The following STK11 variants were observed in gnomAD, a reference collection of about 807,000 sequenced individuals.
The protein encoded by STK11 is serine/threonine kinase 11.
STK11 carries 8 observed loss-of-function variants against 47.3 expected under a neutral mutation model. That is an observed-to-expected ratio of 0.17 (90% CI 0.10 to 0.31). The LOEUF (loss-of-function observed/expected upper bound fraction) is 0.31, where lower values mean the gene tolerates loss of function less well. Ranked by LOEUF, STK11 falls within the 10% of genes least tolerant of loss-of-function variation. STK11 has a pLI of 1.00. For synonymous variants in STK11, 330 were observed against 255.8 expected, an observed-to-expected ratio of 1.29 and a Z score of -2.77; for missense variants, 475 against 605.0, an observed-to-expected ratio of 0.79 and a Z score of 2.25.
chr19:1,207,350 AG>A, intron 1 of STK11, 147 bp downstream of exon 1: 1 of 1,176,048 alleles, frequency 8.5e-7, no homozygotes, highest in Non-Finnish European at 1.2e-6. Context: ...CCTCCGTGCC[AG>A]GGAGAGCGTG....
At position 1,228,075 on chromosome 19, in the gene STK11, AAAAAT is replaced by A. The variant is rs1032897789; in HGVS notation, c.*504_*508del. ...TCTTTTTTTCTTTTTTTTTTTAAGA[AAAAAT>A]AAAAGGTGGATTTGAGCTGTGGCTG... On this transcript the variant is annotated 3_prime_UTR_variant, in exon 10 of 10. Transcript: ENST00000326873. 7.5e-6 allele frequency: 8 copies of A among 1,064,668 alleles called. No homozygotes were observed. Among genetic ancestry groups the A allele is most frequent in the South Asian group, 4.5e-5 (1 of 21,982 alleles). 66.0% of individuals were successfully genotyped at this position (1,064,668 alleles called of 1,614,324 possible). A position where few individuals can be genotyped will look rare whatever the true frequency, so the allele number is the denominator to read the frequency against.
Position 1,206,797 on chromosome 19 carries a change from C to CTTT in STK11, c.-109_-107dup. 2 of 1,183,194 alleles carry CTTT rather than the reference C, an allele frequency of 1.7e-6. No individual in the cohort carries two copies. The highest frequency in any genetic ancestry group is 1.1e-6 in the Non-Finnish European group (1 of 885,336). 73.3% of individuals were successfully genotyped at this position (1,183,194 alleles called of 1,614,324 possible). ...CCCTTCCTTTTGGGGTTTTTGTTGC[C>CTTT]TTTTTTTTTTCTTTTTTCTTTGTAA... On this transcript the variant is annotated 5_prime_UTR_variant, in exon 1 of 10. Coordinates refer to ENST00000326873, the MANE Select transcript of STK11 (RefSeq NM_000455.5).
intron 1 of STK11, among the ~76,000 whole-genome samples, chr19:1,215,136 G>C (rs992678533): frequency 6.6e-6 from 1 of 152,216 alleles, no homozygotes; most frequent in African/African-American, 2.4e-5. Context: ...TGAGCAGCCT[G>C]GCAGGCAGGA....
At chr19:1,215,203 A>AGCGTCCCCCTC (rs2080737448) in intron 1 of STK11, among the ~76,000 whole-genome samples, 1 of 152,042 alleles carries the variant, frequency 6.6e-6, no homozygotes, top group Non-Finnish European at 1.5e-5. Flanking sequence ...CGTCCCCCTC[A>AGCGTCCCCCTC]ATGCCCTGGG....
At chr19:1,213,251 C>T (rs944073586) in intron 1 of STK11, among the ~76,000 whole-genome samples, 2 of 152,078 alleles carry the variant, frequency 1.3e-5, no homozygotes, top group Admixed American at 6.6e-5. Flanking sequence ...CCTGCCTCGG[C>T]CTCCCAAAGT....
chr19:1,219,833 C>G (rs934316338), intron 3 of STK11, among the ~76,000 whole-genome samples: 1 of 152,242 alleles, frequency 6.6e-6, no homozygotes, highest in African/African-American at 2.4e-5. Context: ...GCATGAGCTA[C>G]CACGCCCGGC....
intron 8 of STK11, chr19:1,225,964 G>C: frequency 2.0e-6 from 2 of 991,672 alleles, no homozygotes; most frequent in Non-Finnish European, 2.4e-6. Context: ...GCCCTGGCAG[G>C]CTGAGCTCTG....
intron 1 of STK11, among the ~76,000 whole-genome samples, chr19:1,213,891 C>G (rs191450435): frequency 1.5e-4 from 23 of 152,346 alleles, no homozygotes; most frequent in Non-Finnish European, 3.2e-4. Flanking sequence ...GGGGCGAGGG[C>G]CAGGCCCATC....
chr19:1,210,690 C>T (rs1193650875), intron 1 of STK11, among the ~76,000 whole-genome samples: 1 of 150,476 alleles, frequency 6.6e-6, no homozygotes, highest in African/African-American at 2.5e-5. Context: ...TGGTGAAACC[C>T]TGTCTCTACT....
chr19:1,206,587 C>T lies in STK11; in HGVS notation c.-327C>T. The T allele has an allele frequency of 4.6e-6, 2 of 430,354 alleles. No homozygotes were observed. The highest frequency in any genetic ancestry group is 3.4e-5 in the South Asian group (1 of 29,824). The allele number at this position is 430,354 out of a possible 1,614,324, so 26.7% of individuals were successfully genotyped here. A position where few individuals can be genotyped will look rare whatever the true frequency, so the allele number is the denominator to read the frequency against. On this transcript the variant is annotated 5_prime_UTR_variant, in exon 1 of 10. Transcript: ENST00000326873. ...CCCCGGCCGGCCTCCCCAGGGTCCC[C>T]GAGGACGAAGTTGACCCTGACCGGG...
At chr19:1,220,857 A>G (rs540647050) in intron 5 of STK11, 140 bp downstream of exon 5, 6 of 1,321,938 alleles carry the variant, frequency 4.5e-6, no homozygotes, top group African/African-American at 4.4e-5. Flanking sequence ...GGGGGTGCTT[A>G]CTTTATGGAA....
intron 1 of STK11, among the ~76,000 whole-genome samples, chr19:1,214,600 C>A (rs928635619): frequency 2.0e-4 from 30 of 152,312 alleles, no homozygotes; most frequent in Admixed American, 1.7e-3. Flanking sequence ...GTCCTCCACC[C>A]TCATTTGCTT....
In STK11 at chr19:1,215,243, G is replaced by A. The variant is rs142361331; in HGVS notation, c.291-3174G>A. ...TGCCAGGCTGTGGACACAGGCCCTGGCCAGTTCTATAAATAACCTTGCCGG... is the reference window on the plus strand; with the variant it reads ...TGCCAGGCTGTGGACACAGGCCCTGACCAGTTCTATAAATAACCTTGCCGG... On this transcript the variant is annotated intron_variant, in intron 1 of 9. Transcript: ENST00000326873. Among the ~76,000 whole-genome samples the A allele has an allele frequency of 6.5e-4, 99 of 152,320 alleles. No individual in the cohort carries two copies. In the East Asian group the frequency reaches 0.014, roughly 22 times the overall value.
At position 1,206,885 on chromosome 19, in the gene STK11, C is replaced by T. The variant is rs2080669314; in HGVS notation, c.-29C>T. 3 of 1,540,164 alleles carry T rather than the reference C, an allele frequency of 1.9e-6. No homozygotes were observed. Among genetic ancestry groups the T allele is most frequent in the African/African-American group, 2.7e-5 (2 of 73,008 alleles). ...CGCTCACCCGCGGACTCAGGGCTGG[C>T]GGCGGGACTCCAGGACCCTGGGTCC... On this transcript the variant is annotated 5_prime_UTR_variant, in exon 1 of 10. Coordinates refer to ENST00000326873, the MANE Select transcript of STK11 (RefSeq NM_000455.5).
At chr19:1,213,275 G>A (rs1041439079) in intron 1 of STK11, among the ~76,000 whole-genome samples, 18 of 152,154 alleles carry the variant, frequency 1.2e-4, no homozygotes, top group African/African-American at 4.1e-4. Flanking sequence ...GGGGTTACAG[G>A]TGTGAGCCAC....
Position 1,218,856 on chromosome 19 carries a change from C to T in STK11, c.374+356C>T, listed in dbSNP as rs532241177. 5.4e-4 allele frequency among the ~76,000 whole-genome samples: 83 copies of T among 152,338 alleles called. 1 individual carries two copies. Among genetic ancestry groups the T allele is most frequent in the African/African-American group, 1.9e-3 (81 of 41,586 alleles). On this transcript the variant is annotated intron_variant, in intron 2 of 9. Coordinates refer to ENST00000326873, the MANE Select transcript of STK11 (RefSeq NM_000455.5). ...GTGGCTGGGCGTGTCCTCGTGTCATCTGTGGACACCCCCATGGGTCTTACG... is the reference window on the plus strand; with the variant it reads ...GTGGCTGGGCGTGTCCTCGTGTCATTTGTGGACACCCCCATGGGTCTTACG...
At chr19:1,218,535 G>A (rs755283004) in intron 2 of STK11, 35 bp downstream of exon 2, 15 of 1,588,900 alleles carry the variant, frequency 9.4e-6, no homozygotes, top group South Asian at 2.2e-5. Context: ...CGGGGCCTCC[G>A]TGGGAGGGGC....
chr19:1,215,860 C>A (rs1315400504), intron 1 of STK11, among the ~76,000 whole-genome samples: 1 of 152,112 alleles, frequency 6.6e-6, no homozygotes, highest in Non-Finnish European at 1.5e-5. Context: ...CCTCAGCCTC[C>A]TGAGTAGCTG....
intron 1 of STK11, among the ~76,000 whole-genome samples, chr19:1,211,750 C>T (rs1281107564): frequency 6.6e-6 from 1 of 152,268 alleles, no homozygotes; most frequent in Non-Finnish European, 1.5e-5. Context: ...GCTCTCCCAT[C>T]CGCACCGCCC....
Sources: gnomAD v4.1 joint callset for allele counts (sites outside exome capture counted in the v4.1 genomes callset) on GRCh38, gnomAD v4.1.1 for gene constraint, MANE v1.5 for transcripts, NCBI Gene and HGNC (gene_info 2026-07-23, HGNC 2026-07-21) for gene names.